Variants in XXYLT1 observed in about 807,000 individuals in gnomAD.
XXYLT1 encodes the protein UDP-xylose:alpha-xyloside alpha-1,3-xylosyltransferase.
Under a neutral mutation model 28.9 loss-of-function variants are expected in XXYLT1, and 20 were observed. That is an observed-to-expected ratio of 0.69 (90% confidence interval 0.49 to 1.00). The LOEUF (loss-of-function observed/expected upper bound fraction) is 1.00. Ranked by LOEUF, XXYLT1 falls within the 50% of genes least tolerant of loss-of-function variation. XXYLT1 has a pLI of 0.00. For synonymous variants in XXYLT1, 257 were observed against 253.8 expected (o/e 1.01, Z -0.12); for missense variants, 542 against 560.1 (o/e 0.97, Z 0.33).
At position 195,156,444 on chromosome 3, in the gene XXYLT1, C is replaced by T. The variant is rs377458437; in HGVS notation, c.785+5G>A. 7.4e-6 allele frequency: 12 copies of T among 1,613,164 alleles called. No individual in the cohort carries two copies. The highest frequency in any genetic ancestry group is 5.0e-5 in the Admixed American group (3 of 59,984). On this transcript the variant is annotated splice_donor_5th_base_variant and intron_variant, in intron 3 of 3. Transcript: ENST00000310380. The stretch of plus-strand genomic sequence containing the variant: ...GGAGGCGGCCCCCCTGCAGTCATGA[C>T]GCACCTGTAAACTGGCTGCATCTCC...
At chr3:195,189,022 C>T (rs185767000) in intron 2 of XXYLT1, among the ~76,000 whole-genome samples, 30 of 152,284 alleles carry the variant, frequency 2.0e-4, no homozygotes, top group African/African-American at 6.3e-4. Context: ...AATAAGAATA[C>T]GCATATCCAT....
chr3:195,158,694 C>T (rs773290927), intron 2 of XXYLT1, among the ~76,000 whole-genome samples: 2 of 152,236 alleles, frequency 1.3e-5, no homozygotes, highest in Non-Finnish European at 2.9e-5. Context: ...AGATGGGAGG[C>T]CACTCCTTTC....
intron 2 of XXYLT1, among the ~76,000 whole-genome samples, chr3:195,219,569 A>G (rs2108792523): frequency 6.6e-6 from 1 of 152,364 alleles, no homozygotes; most frequent in Middle Eastern, 3.4e-3. Flanking sequence ...TTTTGCCCCA[A>G]GCCTGCAGGC....
At chr3:195,265,517 T>C (rs949879346) in intron 1 of XXYLT1, among the ~76,000 whole-genome samples, 2 of 152,178 alleles carry the variant, frequency 1.3e-5, no homozygotes, top group African/African-American at 2.4e-5. Context: ...AGAAGCAATA[T>C]TGCTGTGCTC....
At position 195,209,337 on chromosome 3, in the gene XXYLT1, G is replaced by C. The variant is rs1050287303; in HGVS notation, c.652+17372C>G. ...GCCACACCCGCTGGACCCCACTCAC[G>C]TGGTGGAGTCACTCCGCTGCTGCGT... On this transcript the variant is annotated intron_variant, in intron 2 of 3. Transcript: ENST00000310380. The surrounding 1 kb of genome is among the most constrained non-coding windows in gnomAD (Gnocchi z 5.0). 6.6e-6 allele frequency: 1 copy of C among 152,324 alleles called. No homozygotes were observed. The highest frequency in any genetic ancestry group is 2.4e-5 in the African/African-American group (1 of 41,468). The allele number at this position is 152,324 out of a possible 1,614,324, so 9.4% of individuals were successfully genotyped here. A position where few individuals can be genotyped will look rare whatever the true frequency, so the allele number is the denominator to read the frequency against.
chr3:195,197,627 A>C (rs1372658151), intron 2 of XXYLT1, among the ~76,000 whole-genome samples: 1 of 152,184 alleles, frequency 6.6e-6, no homozygotes, highest in African/African-American at 2.4e-5. Flanking sequence ...AAATGGCAAA[A>C]AATTGAAACT....
At chr3:195,079,399 G>C (rs1715302438) in intron 3 of XXYLT1, among the ~76,000 whole-genome samples, 1 of 152,152 alleles carries the variant, frequency 6.6e-6, no homozygotes, top group South Asian at 2.1e-4. Flanking sequence ...ATACATGAGA[G>C]AAAGACAGAC....
intron 3 of XXYLT1, among the ~76,000 whole-genome samples, chr3:195,080,999 A>G (rs1240474982): frequency 6.6e-6 from 1 of 152,176 alleles, no homozygotes; most frequent in Non-Finnish European, 1.5e-5. Flanking sequence ...TCGCTGTCCT[A>G]CACAATGTGG....
chr3:195,182,188 C>T (rs1279238531), intron 2 of XXYLT1, among the ~76,000 whole-genome samples: 3 of 152,274 alleles, frequency 2.0e-5, no homozygotes, highest in African/African-American at 7.2e-5. Flanking sequence ...GATTCTCTCG[C>T]CTTTAAGATG....
Position 195,119,287 on chromosome 3 carries a change from CAAAAAAAAA to C in XXYLT1, c.785+37153_785+37161del, listed in dbSNP as rs11328657. Among the ~76,000 whole-genome samples, 12 of 109,582 alleles carry C rather than the reference CAAAAAAAAA, an allele frequency of 1.1e-4. 1 individual carries two copies. The highest frequency in any genetic ancestry group is 7.7e-4 in the Admixed American group (8 of 10,362). 71.9% of individuals were successfully genotyped at this position (109,582 alleles called of 152,430 possible). A position where few individuals can be genotyped will look rare whatever the true frequency, so the allele number is the denominator to read the frequency against. ...AGACACAGCGAGACTCCATCTCAAACAAAAAAAAAAAAAAAAAAGGAAATAACATATATA... is the reference window on the plus strand; with the variant it reads ...AGACACAGCGAGACTCCATCTCAAACAAAAAAAAAGGAAATAACATATATA... On this transcript the variant is annotated intron_variant, in intron 3 of 3. Transcript: ENST00000310380.
chr3:195,159,122 T>G (rs1720745797), intron 2 of XXYLT1, among the ~76,000 whole-genome samples: 3 of 152,060 alleles, frequency 2.0e-5, no homozygotes, highest in Admixed American at 6.5e-5. Flanking sequence ...ACATGAAACC[T>G]AAGAATCATG....
intron 2 of XXYLT1, among the ~76,000 whole-genome samples, chr3:195,205,954 A>T (rs1194599297): frequency 6.6e-6 from 1 of 152,146 alleles, no homozygotes; most frequent in Non-Finnish European, 1.5e-5. Flanking sequence ...GAAAGTGGGT[A>T]AAGGATCTCT....
intron 2 of XXYLT1, among the ~76,000 whole-genome samples, chr3:195,197,521 T>C (rs904202085): frequency 2.6e-5 from 4 of 152,050 alleles, no homozygotes; most frequent in African/African-American, 7.2e-5. Flanking sequence ...AGTGGCATTA[T>C]AGTGAAATGT....
chr3:195,073,628 A>G (rs1352613800), intron 3 of XXYLT1, among the ~76,000 whole-genome samples: 1 of 152,158 alleles, frequency 6.6e-6, no homozygotes, highest in Non-Finnish European at 1.5e-5. Context: ...CCCTTTAGAA[A>G]TAATTTCAAC....
chr3:195,130,347 C>T (rs1313354221), intron 3 of XXYLT1, among the ~76,000 whole-genome samples: 1 of 152,224 alleles, frequency 6.6e-6, no homozygotes, highest in African/African-American at 2.4e-5. Context: ...CTGCTGTCTT[C>T]TAGAAACTGC....
intron 2 of XXYLT1, among the ~76,000 whole-genome samples, chr3:195,205,824 C>A (rs991198019): frequency 1.3e-5 from 2 of 152,128 alleles, no homozygotes; most frequent in Admixed American, 1.3e-4. Context: ...GATCGTGCCA[C>A]TGCACTCCAG....
intron 2 of XXYLT1, among the ~76,000 whole-genome samples, chr3:195,181,629 G>A (rs1256957667): frequency 1.3e-5 from 2 of 152,142 alleles, no homozygotes; most frequent in Admixed American, 6.5e-5. Flanking sequence ...GTATTTCCAT[G>A]GATAATGTAT....
chr3:195,134,872 TGTGCGC>T (rs1560112573), intron 3 of XXYLT1, among the ~76,000 whole-genome samples: 2 of 88,504 alleles, frequency 2.3e-5, no homozygotes. Context: ...TGTGTGTGCG[TGTGCGC>T]GCGTGCGCGC....
intron 3 of XXYLT1, among the ~76,000 whole-genome samples, chr3:195,086,834 G>C (rs1342037978): frequency 6.6e-6 from 1 of 152,098 alleles, no homozygotes; most frequent in Non-Finnish European, 1.5e-5. Flanking sequence ...GTGATGAAGG[G>C]GGACAAAGAG....
Sources: allele counts gnomAD v4.1 joint callset (sites outside exome capture counted in the v4.1 genomes callset), GRCh38; gene constraint gnomAD v4.1.1; non-coding constraint Gnocchi (gnomAD v3.1); transcripts MANE v1.5; gene names NCBI Gene and HGNC (gene_info 2026-07-23, HGNC 2026-07-21).